Variants in ST6GALNAC3 observed in about 807,000 individuals in gnomAD.
The protein encoded by ST6GALNAC3 is alpha-N-acetylgalactosaminide alpha-2,6-sialyltransferase 3.
ST6GALNAC3 carries 25 observed loss-of-function variants against 32.7 expected under a neutral mutation model. That is an observed-to-expected ratio of 0.76 (90% CI 0.56 to 1.07). ST6GALNAC3 has a LOEUF of 1.07. ST6GALNAC3 is among the 50% of genes least tolerant of loss of function. ST6GALNAC3 has a pLI of 0.00. For missense variants in ST6GALNAC3, 355 were observed against 382.4 expected (o/e 0.93, Z 0.60); for synonymous variants, 129 against 133.1 (o/e 0.97, Z 0.21).
chr1:76,100,608 C>G (rs79045701), intron 1 of ST6GALNAC3, among the ~76,000 whole-genome samples: 2,239 of 152,148 alleles, frequency 0.015, 42 homozygotes, highest in Middle Eastern at 0.062. Flanking sequence ...CTTTTTGCCT[C>G]TATGTTCATT....
At position 76,509,079 on chromosome 1, in the gene ST6GALNAC3, A is replaced by G. The variant is rs1661668546; in HGVS notation, c.623+96662A>G. On this transcript the variant is annotated intron_variant, in intron 3 of 4. Transcript: ENST00000328299. This position sits in a 1 kb window ranked among gnomAD's most constrained non-coding sequence, Gnocchi z 5.5. ...ATTTTTCAACTCGTCGATAAATGGG[A>G]ATGGAATTATTTATTCTGGAAACAC... Among the ~76,000 whole-genome samples the G allele has an allele frequency of 1.3e-5, 2 of 152,180 alleles. No homozygotes were observed. The highest frequency in any genetic ancestry group is 4.8e-5 in the African/African-American group (2 of 41,436).
At chr1:76,494,662 C>A (rs890641699) in intron 3 of ST6GALNAC3, among the ~76,000 whole-genome samples, 1 of 146,712 alleles carries the variant, frequency 6.8e-6, no homozygotes, top group African/African-American at 2.6e-5. Context: ...CACACACACA[C>A]ACACACACAC....
At chr1:76,577,024 G>T in intron 3 of ST6GALNAC3, 1 of 1,187,634 alleles carries the variant, frequency 8.4e-7, no homozygotes, top group Non-Finnish European at 1.1e-6. Context: ...TAAGATTGTG[G>T]CTTTGTGTAA....
intron 1 of ST6GALNAC3, among the ~76,000 whole-genome samples, chr1:76,292,508 G>A (rs1266467227): frequency 6.6e-6 from 1 of 152,186 alleles, no homozygotes; most frequent in African/African-American, 2.4e-5. Flanking sequence ...TTGAATTTCT[G>A]ACACTTGGTG....
Position 76,488,961 on chromosome 1 carries a change from T to C in ST6GALNAC3, c.623+76544T>C, listed in dbSNP as rs187626539. 1.4e-4 allele frequency among the ~76,000 whole-genome samples: 22 copies of C among 152,300 alleles called. No individual in the cohort carries two copies. In the East Asian group the frequency reaches 4.2e-3, roughly 29 times the overall value. Reference sequence around the variant, plus strand: ...ATCTTTCTTCTTCCTTTCTTTTCTCTATTCCAGTCAGAATTTCAGCATTTC... The same window carrying C: ...ATCTTTCTTCTTCCTTTCTTTTCTCCATTCCAGTCAGAATTTCAGCATTTC... On this transcript the variant is annotated intron_variant, in intron 3 of 4. Transcript: ENST00000328299.
chr1:76,478,856 G>A (rs1268819237), intron 3 of ST6GALNAC3, among the ~76,000 whole-genome samples: 12 of 143,826 alleles, frequency 8.3e-5, no homozygotes, highest in African/African-American at 3.1e-4. Flanking sequence ...TCTGCCTCCT[G>A]GGTTCATGCC....
intron 1 of ST6GALNAC3, among the ~76,000 whole-genome samples, chr1:76,181,361 T>G (rs927485505): frequency 6.6e-6 from 1 of 152,226 alleles, no homozygotes; most frequent in Non-Finnish European, 1.5e-5. Context: ...CTATTTTACT[T>G]CTAAAAAAGT....
intron 2 of ST6GALNAC3, among the ~76,000 whole-genome samples, chr1:76,378,661 C>CG (rs969116775): frequency 9.8e-6 from 1 of 102,262 alleles, no homozygotes; most frequent in South Asian, 4.0e-4. Flanking sequence ...AAATTCCTTC[C>CG]CCCCCCCAAA....
intron 1 of ST6GALNAC3, among the ~76,000 whole-genome samples, chr1:76,288,572 G>A (rs899954042): frequency 1.3e-5 from 2 of 152,202 alleles, no homozygotes; most frequent in Admixed American, 6.5e-5. Context: ...TCAGATGGGT[G>A]GTGCAAGCAG....
At chr1:76,516,851 T>G (rs1334531719) in intron 3 of ST6GALNAC3, among the ~76,000 whole-genome samples, 3 of 152,056 alleles carry the variant, frequency 2.0e-5, no homozygotes, top group Non-Finnish European at 4.4e-5. Flanking sequence ...AAATGAATAT[T>G]AAACCTTTGT....
At chr1:76,169,491 A>G (rs398826) in intron 1 of ST6GALNAC3, among the ~76,000 whole-genome samples, 19,498 of 152,118 alleles carry the variant, frequency 0.13, 1,618 homozygotes, top group Non-Finnish European at 0.19. Flanking sequence ...CTGAATTTGA[A>G]TGTTGCCCTC....
chr1:76,627,681 C>G, intron 4 of ST6GALNAC3, 122 bp downstream of exon 4: 1 of 830,880 alleles, frequency 1.2e-6, no homozygotes, highest in Non-Finnish European at 1.9e-6. Context: ...TCCCAGTGTT[C>G]TTTGCTGACA....
At chr1:76,432,105 T>C (rs1360654867) in intron 3 of ST6GALNAC3, among the ~76,000 whole-genome samples, 1 of 152,222 alleles carries the variant, frequency 6.6e-6, no homozygotes, top group African/African-American at 2.4e-5. Context: ...TCAGACTAGA[T>C]TCTGTTACTT....
At position 76,633,264 on chromosome 1, in the gene ST6GALNAC3, G is replaced by A. The variant is rs746020194; in HGVS notation, c.*4458G>A. 6.6e-6 allele frequency: 1 copy of A among 152,154 alleles called. No individual in the cohort carries two copies. Among genetic ancestry groups the A allele is most frequent in the African/African-American group, 2.4e-5 (1 of 41,430 alleles). The allele number at this position is 152,154 out of a possible 1,614,324, so 9.4% of individuals were successfully genotyped here. On this transcript the variant is annotated 3_prime_UTR_variant, in exon 5 of 5. Transcript: ENST00000328299. ...GTAGCTGGAAAAAGAATGCCTAACT[G>A]ATTTACTAAAGAGTCTATTCATGGA...
chr1:76,087,022 G>A (rs1329246598), intron 1 of ST6GALNAC3, among the ~76,000 whole-genome samples: 1 of 152,068 alleles, frequency 6.6e-6, no homozygotes, highest in Non-Finnish European at 1.5e-5. Flanking sequence ...TCTTTGGCTG[G>A]GAGTAAAAGA....
intron 3 of ST6GALNAC3, among the ~76,000 whole-genome samples, chr1:76,440,519 A>T (rs1656500191): frequency 6.6e-6 from 1 of 152,242 alleles, no homozygotes; most frequent in Admixed American, 6.5e-5. Flanking sequence ...CAAAATATCC[A>T]CTGCAGGTGT....
intron 3 of ST6GALNAC3, among the ~76,000 whole-genome samples, chr1:76,498,414 C>A (rs989617818): frequency 1.3e-5 from 2 of 152,122 alleles, no homozygotes; most frequent in African/African-American, 4.8e-5. Context: ...AAATGGGGAG[C>A]TTTCCAAATG....
intron 1 of ST6GALNAC3, among the ~76,000 whole-genome samples, chr1:76,155,468 ATTTAT>A (rs1306263988): frequency 6.6e-6 from 1 of 151,762 alleles, no homozygotes; most frequent in Non-Finnish European, 1.5e-5. Context: ...TCCTTTTTTT[ATTTAT>A]TTTATTTTAT....
chr1:76,337,991 G>A (rs1412612950), intron 2 of ST6GALNAC3, among the ~76,000 whole-genome samples: 1 of 152,164 alleles, frequency 6.6e-6, no homozygotes, highest in Non-Finnish European at 1.5e-5. Context: ...CTTGAGCCAC[G>A]TGGCCCTCCA....
Sources: gnomAD v4.1 joint callset for allele counts (sites outside exome capture counted in the v4.1 genomes callset) on GRCh38, gnomAD v4.1.1 for gene constraint, Gnocchi (gnomAD v3.1) non-coding constraint, MANE v1.5 for transcripts, NCBI Gene and HGNC (gene_info 2026-07-23, HGNC 2026-07-21) for gene names.